Variants in HEG1 observed in about 807,000 individuals in gnomAD.
The protein encoded by HEG1 is protein HEG homolog 1.
In HEG1, 56 loss-of-function variants were observed where a neutral mutation model predicts 125.6. That is an observed-to-expected ratio of 0.45 (90% CI 0.36 to 0.56). The LOEUF (loss-of-function observed/expected upper bound fraction) is 0.56, where lower values mean the gene tolerates loss of function less well. Among genes scored for constraint, HEG1 ranks in the 20% least tolerant of loss-of-function variants. The pLI, the probability that HEG1 is intolerant of heterozygous loss-of-function variation, is 0.00. For missense variants in HEG1, 1,523 were observed against 1,670.0 expected (o/e 0.91, Z 1.53); for synonymous variants, 644 against 668.5 (o/e 0.96, Z 0.57).
At chr3:125,010,296 A>T in intron 7 of HEG1, 143 bp downstream of exon 7, 2 of 590,024 alleles carry the variant, frequency 3.4e-6, no homozygotes, top group East Asian at 5.7e-5. Context: ...GCAGATCACA[A>T]CCTACAAACA....
chr3:124,990,458 C>T (rs1166243872), intron 14 of HEG1, among the ~76,000 whole-genome samples: 1 of 152,072 alleles, frequency 6.6e-6, no homozygotes, highest in African/African-American at 2.4e-5. Flanking sequence ...CTCACCTCAG[C>T]TTCCCAAGTA....
chr3:125,006,257 C>G (rs1248846138), intron 8 of HEG1, among the ~76,000 whole-genome samples: 1 of 152,182 alleles, frequency 6.6e-6, no homozygotes, highest in Non-Finnish European at 1.5e-5. Context: ...AAAAAAGCAG[C>G]CTCATTTTCA....
chr3:125,049,526 T>C (rs1207104027), intron 1 of HEG1, among the ~76,000 whole-genome samples: 2 of 152,134 alleles, frequency 1.3e-5, no homozygotes, highest in Non-Finnish European at 2.9e-5. Flanking sequence ...TTCTCAACCA[T>C]CCACAGAATA....
At chr3:124,971,173 AG>A (rs1235302649) in intron 16 of HEG1, 1 of 466,896 alleles carries the variant, frequency 2.1e-6, no homozygotes, top group African/African-American at 2.0e-5. Flanking sequence ...GGCTACTTTG[AG>A]GAGGCCTTCA....
chr3:124,978,749 C>T (rs1052215549), intron 14 of HEG1, among the ~76,000 whole-genome samples: 4 of 150,774 alleles, frequency 2.7e-5, no homozygotes, highest in South Asian at 2.1e-4. Flanking sequence ...TGCTGTGAGC[C>T]GAGATCAAAC....
In HEG1 at chr3:124,973,761, G is replaced by A; in HGVS notation, c.3966C>T (p.Asn1322=). The A allele has an allele frequency of 6.2e-7, 1 of 1,613,906 alleles. No homozygotes were observed. The highest frequency in any genetic ancestry group is 8.5e-7 in the Non-Finnish European group (1 of 1,179,834). ...AGTACACATCCGTCATCTGGAGGAG[G>A]TTTTTGGTACTTCCATTCTCATGCA... ...IEMHENGSTK[N]LLQMTDVYYS... The change falls in exon 16 of 17, where the codon AAC becomes AAT. Residue 1322 remains asparagine, a synonymous_variant. Transcript: ENST00000311127.
Position 124,966,047 on chromosome 3 carries a change from C to G in HEG1, c.*4605G>C, listed in dbSNP as rs767358410. 1.3e-5 allele frequency: 2 copies of G among 152,162 alleles called. No homozygotes were observed. Among genetic ancestry groups the G allele is most frequent in the Non-Finnish European group, 2.9e-5 (2 of 68,030 alleles). 9.4% of individuals were successfully genotyped at this position (152,162 alleles called of 1,614,324 possible). A position where few individuals can be genotyped will look rare whatever the true frequency, so the allele number is the denominator to read the frequency against. On this transcript the variant is annotated 3_prime_UTR_variant, in exon 17 of 17. Transcript: ENST00000311127. ...TCAGAGCAACTCATGATGAAACAGT[C>G]GTTCTCTTTTTAGGACAGGCCAAGG...
chr3:125,011,413 A>T (rs1320719177), intron 6 of HEG1, among the ~76,000 whole-genome samples: 2 of 152,252 alleles, frequency 1.3e-5, no homozygotes, highest in East Asian at 3.8e-4. Flanking sequence ...AGTAACAGCC[A>T]GTGAATCTGC....
At chr3:125,015,035 T>C (rs1334385957) in intron 5 of HEG1, 2 of 1,213,374 alleles carry the variant, frequency 1.6e-6, no homozygotes, top group African/African-American at 3.1e-5. Context: ...TGAAAGAGGA[T>C]GGCTGAAAAA....
At chr3:124,975,249 G>A (rs919097472) in intron 15 of HEG1, among the ~76,000 whole-genome samples, 2 of 152,132 alleles carry the variant, frequency 1.3e-5, no homozygotes, top group African/African-American at 4.8e-5. Context: ...TATGTCAACG[G>A]TAGAAAAGAT....
chr3:125,029,856 C>A (rs1937473356), intron 1 of HEG1, among the ~76,000 whole-genome samples: 1 of 152,226 alleles, frequency 6.6e-6, no homozygotes, highest in South Asian at 2.1e-4. Context: ...CGTGCCATTG[C>A]ACTCCAGCCT....
chr3:125,007,474 T>C (rs1358232444), intron 8 of HEG1, among the ~76,000 whole-genome samples: 1 of 152,254 alleles, frequency 6.6e-6, no homozygotes, highest in Non-Finnish European at 1.5e-5. Flanking sequence ...TAAATGATTT[T>C]TTTGGGAAAG....
Position 124,970,373 on chromosome 3 carries a change from C to T in HEG1, c.*279G>A. The T allele has an allele frequency of 7.9e-6, 3 of 379,060 alleles. No homozygotes were observed. Among genetic ancestry groups the T allele is most frequent in the Non-Finnish European group, 4.8e-6 (1 of 208,338 alleles). The allele number at this position is 379,060 out of a possible 1,614,324, so 23.5% of individuals were successfully genotyped here. A position where few individuals can be genotyped will look rare whatever the true frequency, so the allele number is the denominator to read the frequency against. On this transcript the variant is annotated 3_prime_UTR_variant, in exon 17 of 17. Transcript: ENST00000311127. The stretch of plus-strand genomic sequence containing the variant: ...AGTGGTCTGCCCTGGCTAATAGTCG[C>T]CCTGGTGCCAGTGCCATGGTGCAGT...
chr3:125,024,667 T>C (rs1485889322), intron 3 of HEG1, among the ~76,000 whole-genome samples: 1 of 152,240 alleles, frequency 6.6e-6, no homozygotes, highest in Non-Finnish European at 1.5e-5. Flanking sequence ...GCATACAATT[T>C]GGTTTTGGAA....
intron 10 of HEG1, 63 bp downstream of exon 10, chr3:125,002,194 A>G (rs1280730660): frequency 1.9e-6 from 3 of 1,544,518 alleles, no homozygotes; most frequent in Non-Finnish European, 2.7e-6. Flanking sequence ...GCTATCACCC[A>G]TGTTAGAACA....
intron 9 of HEG1, among the ~76,000 whole-genome samples, chr3:125,004,781 G>A (rs1034979917): frequency 6.6e-6 from 1 of 152,014 alleles, no homozygotes; most frequent in Non-Finnish European, 1.5e-5. Flanking sequence ...AAGACCCCTC[G>A]GTCATCTATA....
chr3:124,997,847 G>A (rs761027966), intron 11 of HEG1, 24 bp from the exon 12 acceptor site: 2 of 1,551,390 alleles, frequency 1.3e-6, no homozygotes, highest in Non-Finnish European at 8.8e-7. Flanking sequence ...ACAAGACAGT[G>A]AAACAAAACA....
In HEG1 at chr3:125,009,742, C is replaced by T. The variant is rs147058155; in HGVS notation, c.3156G>A (p.Pro1052=). Residue 1052 remains proline, a synonymous_variant, in exon 8 of 17, where the codon CCG becomes CCA. Transcript: ENST00000311127. ...NTQGSFICKC[P]VGYQLEKGIC... Reference sequence around the variant, plus strand: ...TCCCTTTTTCCAACTGGTACCCAACCGGGCATTTGCAGATAAAGGATCCCT... The same window carrying T: ...TCCCTTTTTCCAACTGGTACCCAACTGGGCATTTGCAGATAAAGGATCCCT... 4.9e-3 allele frequency: 7,916 copies of T among 1,613,390 alleles called. 163 individuals carry two copies. The Admixed American group carries it at 0.058, about 12-fold the overall frequency.
intron 9 of HEG1, 89 bp from the exon 10 acceptor site, chr3:125,002,404 G>A: frequency 4.3e-6 from 5 of 1,154,806 alleles, no homozygotes; most frequent in Non-Finnish European, 5.0e-6. Flanking sequence ...GATAAAACAG[G>A]CATTTTCCAG....
Sources: allele counts gnomAD v4.1 joint callset (sites outside exome capture counted in the v4.1 genomes callset), GRCh38; gene constraint gnomAD v4.1.1; transcripts MANE v1.5; gene names NCBI Gene and HGNC (gene_info 2026-07-23, HGNC 2026-07-21).